The following PDE4D variants were observed in gnomAD, a reference collection of about 807,000 sequenced individuals.
The protein encoded by PDE4D is 3',5'-cyclic-AMP phosphodiesterase 4D.
Under a neutral mutation model 87.4 loss-of-function variants are expected in PDE4D, and 24 were observed. The observed-to-expected ratio is 0.27, with a 90% CI of 0.20 to 0.39. The LOEUF (loss-of-function observed/expected upper bound fraction) is 0.39, where lower values mean the gene tolerates loss of function less well. PDE4D is among the 10% of genes least tolerant of loss of function. PDE4D has a pLI of 1.00. For missense variants in PDE4D, 714 were observed against 1,041.0 expected, an observed-to-expected ratio of 0.69 and a Z score of 4.32; for synonymous variants, 384 against 383.2, an observed-to-expected ratio of 1.00 and a Z score of -0.02.
intron 1 of PDE4D, among the ~76,000 whole-genome samples, chr5:59,311,190 T>C (rs554815462): frequency 6.6e-6 from 1 of 152,184 alleles, no homozygotes; most frequent in South Asian, 2.1e-4. Flanking sequence ...GAATGGGGGA[T>C]GCCCTACTCA....
At chr5:60,052,290 T>C (rs1263442297) in intron 2 of PDE4D, among the ~76,000 whole-genome samples, 1 of 152,130 alleles carries the variant, frequency 6.6e-6, no homozygotes, top group African/African-American at 2.4e-5. Flanking sequence ...AAATCTTCAA[T>C]AAAATACTGG....
chr5:59,841,954 A>G (rs1294363087), intron 1 of PDE4D, among the ~76,000 whole-genome samples: 1 of 151,934 alleles, frequency 6.6e-6, no homozygotes, highest in Non-Finnish European at 1.5e-5. Flanking sequence ...GTGAATCTGG[A>G]GGGATAAGTA....
At chr5:60,053,514 T>C (rs1452978908) in intron 2 of PDE4D, among the ~76,000 whole-genome samples, 1 of 152,180 alleles carries the variant, frequency 6.6e-6, no homozygotes, top group African/African-American at 2.4e-5. Context: ...CTGGACCCCT[T>C]CCTTACAACT....
At chr5:60,004,850 G>A (rs567681698) in intron 2 of PDE4D, among the ~76,000 whole-genome samples, 21 of 152,224 alleles carry the variant, frequency 1.4e-4, no homozygotes, top group South Asian at 8.3e-4. Context: ...GTAGCACTGC[G>A]GTGAAAACGT....
chr5:60,219,186 C>T (rs1010085160), intron 1 of PDE4D, among the ~76,000 whole-genome samples: 1 of 152,102 alleles, frequency 6.6e-6, no homozygotes, highest in African/African-American at 2.4e-5. Flanking sequence ...ACCTTATCAA[C>T]CTAATTAGAT....
chr5:59,921,713 AG>A (rs1754688711), intron 3 of PDE4D, among the ~76,000 whole-genome samples: 1 of 152,186 alleles, frequency 6.6e-6, no homozygotes, highest in African/African-American at 2.4e-5. Flanking sequence ...GGTGAAGATA[AG>A]GAAGTCTGGT....
intron 1 of PDE4D, among the ~76,000 whole-genome samples, chr5:59,513,650 T>G (rs1810653657): frequency 6.6e-6 from 1 of 152,188 alleles, no homozygotes; most frequent in Non-Finnish European, 1.5e-5. Context: ...AAAAAATCTC[T>G]TTGAATTGTT....
intron 1 of PDE4D, among the ~76,000 whole-genome samples, chr5:59,711,427 T>C (rs887221048): frequency 1.3e-5 from 2 of 152,174 alleles, no homozygotes; most frequent in African/African-American, 4.8e-5. Context: ...CATTCATTTA[T>C]CTAGCCAGGC....
At chr5:59,696,011 C>G (rs1489168691) in intron 1 of PDE4D, among the ~76,000 whole-genome samples, 1 of 152,040 alleles carries the variant, frequency 6.6e-6, no homozygotes, top group Non-Finnish European at 1.5e-5. Flanking sequence ...TGTGCTAATA[C>G]CTTTAGTTAT....
At chr5:60,214,819 GAAGA>G (rs745660186) in intron 1 of PDE4D, among the ~76,000 whole-genome samples, 83 of 152,232 alleles carry the variant, frequency 5.5e-4, no homozygotes, top group African/African-American at 1.7e-3. Flanking sequence ...AGTGTTCAAG[GAAGA>G]AAGAAAGCTT....
intron 1 of PDE4D, among the ~76,000 whole-genome samples, chr5:59,224,102 A>G (rs1004887627): frequency 3.5e-5 from 5 of 141,990 alleles, no homozygotes; most frequent in African/African-American, 1.4e-4. Flanking sequence ...CCTGGGCAAC[A>G]TGATGAAACC....
At chr5:59,677,164 C>T (rs1336332783) in intron 1 of PDE4D, among the ~76,000 whole-genome samples, 1 of 151,258 alleles carries the variant, frequency 6.6e-6, no homozygotes, top group African/African-American at 2.4e-5. Context: ...TGTATATATA[C>T]CCACAGAAAA....
At chr5:60,073,452 A>G (rs1417949451) in intron 2 of PDE4D, among the ~76,000 whole-genome samples, 2 of 149,752 alleles carry the variant, frequency 1.3e-5, no homozygotes, top group African/African-American at 4.9e-5. Flanking sequence ...TTCATCAAGA[A>G]TGCTAGCCTG....
intron 1 of PDE4D, among the ~76,000 whole-genome samples, chr5:59,593,879 T>C (rs1269832567): frequency 6.6e-6 from 1 of 152,182 alleles, no homozygotes; most frequent in Admixed American, 6.5e-5. Flanking sequence ...CAGTAAATAT[T>C]GGAGAAAAAT....
At chr5:60,126,201 T>TA (rs35748948) in intron 2 of PDE4D, among the ~76,000 whole-genome samples, 21,769 of 133,008 alleles carry the variant, frequency 0.16, 1,579 homozygotes, top group Middle Eastern at 0.26. Context: ...AGAGTTTTGC[T>TA]AAAAAAAAAA....
intron 1 of PDE4D, among the ~76,000 whole-genome samples, chr5:60,438,330 T>TA (rs1487899543): frequency 1.3e-5 from 2 of 152,134 alleles, no homozygotes; most frequent in African/African-American, 4.8e-5. Context: ...TAACCTCATG[T>TA]AAAAGAGCAG....
chr5:60,274,347 T>C (rs1751140974), intron 1 of PDE4D, among the ~76,000 whole-genome samples: 1 of 147,530 alleles, frequency 6.8e-6, no homozygotes, highest in South Asian at 2.1e-4. Flanking sequence ...GTCGTTGTTG[T>C]TGTTGTTGTT....
At chr5:59,046,180 C>T (rs998772925) in intron 5 of PDE4D, among the ~76,000 whole-genome samples, 1 of 152,170 alleles carries the variant, frequency 6.6e-6, no homozygotes, top group Non-Finnish European at 1.5e-5. Flanking sequence ...GAAGGTGAGA[C>T]TTTGAAGAGC....
chr5:59,132,896 G>C (rs1776483445), intron 5 of PDE4D, among the ~76,000 whole-genome samples: 1 of 152,148 alleles, frequency 6.6e-6, no homozygotes, highest in Admixed American at 6.5e-5. Flanking sequence ...AGTCAACACT[G>C]TTCTGCTAAA....
Sources: allele counts gnomAD v4.1 joint callset (sites outside exome capture counted in the v4.1 genomes callset), GRCh38; gene constraint gnomAD v4.1.1; transcripts MANE v1.5; gene names NCBI Gene and HGNC (gene_info 2026-07-23, HGNC 2026-07-21).